The following CRYBG3 variants were observed in gnomAD, a reference collection of about 807,000 sequenced individuals.
CRYBG3 encodes the protein very large A-kinase anchor protein.
In CRYBG3, 127 loss-of-function variants were observed where a neutral mutation model predicts 244.2. That is an observed-to-expected ratio of 0.52 (90% CI 0.45 to 0.60). CRYBG3 has a LOEUF of 0.60. Among genes scored for constraint, CRYBG3 ranks in the 20% least tolerant of loss-of-function variants. The pLI is 0.00. For missense variants in CRYBG3, 3,325 were observed against 3,442.5 expected (o/e 0.97, Z 0.85); for synonymous variants, 1,132 against 1,195.8 (o/e 0.95, Z 1.10).
chr3:97,826,036 C>T (rs1402309011), intron 1 of CRYBG3, among the ~76,000 whole-genome samples: 1 of 152,178 alleles, frequency 6.6e-6, no homozygotes, highest in Admixed American at 6.5e-5. Context: ...GCAGTTCATG[C>T]CTTCAGTAGT....
chr3:97,940,976 C>T lies in CRYBG3; in HGVS notation c.8506-172C>T, dbSNP rs568329469. ...TGTACAATTTAAGCTTTATGCTCCACGGCCTAAGGATTTACCATATTAATC... is the reference window on the plus strand; with the variant it reads ...TGTACAATTTAAGCTTTATGCTCCATGGCCTAAGGATTTACCATATTAATC... On this transcript the variant is annotated intron_variant, in intron 19 of 21. Transcript: ENST00000389622. Among the ~76,000 whole-genome samples, 12 of 152,038 alleles carry T rather than the reference C, an allele frequency of 7.9e-5. No homozygotes were observed. In the East Asian group the frequency reaches 1.2e-3, roughly 15 times the overall value.
rs116258821 is a variant in CRYBG3, at chr3:97,829,354, C to T, written c.149+6999C>T. Among the ~76,000 whole-genome samples the T allele has an allele frequency of 2.1e-3, 324 of 152,298 alleles. 2 individuals are homozygous for T. Among genetic ancestry groups the T allele is most frequent in the African/African-American group, 7.2e-3 (300 of 41,556 alleles). ...AATGTGAAACTGGGTGGAGTTGACA[C>T]TTGCAGCCACAAATATATCAACATA... is the stretch of plus-strand genomic sequence containing the variant. On this transcript the variant is annotated intron_variant, in intron 1 of 21. Coordinates refer to ENST00000389622, the MANE Select transcript of CRYBG3 (RefSeq NM_153605.4).
chr3:97,921,489 T>C (rs952418268), intron 17 of CRYBG3, among the ~76,000 whole-genome samples: 3 of 152,114 alleles, frequency 2.0e-5, no homozygotes, highest in Non-Finnish European at 2.9e-5. Context: ...TAGGCAGTAG[T>C]TGTATAAAGT....
chr3:97,889,824 AT>A (rs2039554226), intron 10 of CRYBG3, among the ~76,000 whole-genome samples: 1 of 152,176 alleles, frequency 6.6e-6, no homozygotes, highest in Non-Finnish European at 1.5e-5. Context: ...GTTTGTAAGT[AT>A]GAGTATCCAA....
chr3:97,907,349 G>A lies in CRYBG3; in HGVS notation c.8005-4818G>A, dbSNP rs547532915. Among the ~76,000 whole-genome samples, 47 of 152,230 alleles carry A rather than the reference G, an allele frequency of 3.1e-4. No individual in the cohort carries two copies. The South Asian group carries it at 9.6e-3, about 31-fold the overall frequency. Reference sequence around the variant, plus strand: ...CCAGTTCCTCCTTGTACCTCTGGTAGAATTCGGCTGTGAATCCATCTGGTC... The same window carrying A: ...CCAGTTCCTCCTTGTACCTCTGGTAAAATTCGGCTGTGAATCCATCTGGTC... On this transcript the variant is annotated intron_variant, in intron 15 of 21. Transcript: ENST00000389622.
At chr3:97,904,700 A>AT (rs977226506) in intron 15 of CRYBG3, among the ~76,000 whole-genome samples, 6 of 143,744 alleles carry the variant, frequency 4.2e-5, no homozygotes, top group African/African-American at 7.7e-5. Flanking sequence ...TTTTATTTTT[A>AT]TTTTTTTTTA....
chr3:97,874,584 G>C lies in CRYBG3; in HGVS notation c.3390G>C (p.Gly1130=), dbSNP rs2039347822. The C allele has an allele frequency of 3.3e-6, 5 of 1,535,956 alleles. No homozygotes were observed. Among genetic ancestry groups the C allele is most frequent in the Non-Finnish European group, 4.4e-6 (5 of 1,146,864 alleles). The change falls in exon 4 of 22, where the codon GGG becomes GGC. Residue 1130 remains glycine (G), a synonymous_variant. Coordinates refer to ENST00000389622, the MANE Select transcript of CRYBG3 (RefSeq NM_153605.4). ...TEVTPFQEHF[G]IYTGKISIDF... is the part of the protein sequence containing the mutation. ...TAACCCCATTTCAGGAACATTTTGG[G>C]ATTTATACTGGGAAGATATCCATTG...
At position 97,872,454 on chromosome 3, in the gene CRYBG3, G is replaced by C. The variant is rs763681728; in HGVS notation, c.1260G>C (p.Leu420Phe). 6.5e-7 allele frequency: 1 copy of C among 1,535,952 alleles called. No homozygotes were observed. The highest frequency in any genetic ancestry group is 1.2e-5 in the South Asian group (1 of 84,044). ...GCACTGTGATGAGTAATAGGACATT[G>C]GTGCAAAGAGAGGAGCTTGTTGAGC... ...ENSTVMSNRT[L>F]VQREELVEPQ... is the part of the protein sequence containing the mutation. Residue 420 changes from leucine (L) to phenylalanine (F), a missense_variant, in exon 4 of 22, where the codon TTG becomes TTC. By Grantham distance (22) the Leu-to-Phe change is conservative (BLOSUM62 0). Coordinates refer to ENST00000389622, the MANE Select transcript of CRYBG3 (RefSeq NM_153605.4).
intron 17 of CRYBG3, 104 bp downstream of exon 17, chr3:97,915,840 A>G (rs2039923201): frequency 1.0e-6 from 1 of 966,024 alleles, no homozygotes; most frequent in Non-Finnish European, 1.5e-6. Context: ...AAGGAGAAAT[A>G]TAAAAATCTG....
chr3:97,914,832 G>C (rs916864616), intron 16 of CRYBG3, among the ~76,000 whole-genome samples: 22 of 152,172 alleles, frequency 1.4e-4, no homozygotes, highest in African/African-American at 4.3e-4. Context: ...TCTAGCAAGA[G>C]TGCAGTTCTG....
intron 19 of CRYBG3, among the ~76,000 whole-genome samples, chr3:97,938,559 C>A (rs2040189491): frequency 6.6e-6 from 1 of 151,982 alleles, no homozygotes; most frequent in Admixed American, 6.6e-5. Context: ...TGCACACACA[C>A]CATTCTCATC....
At chr3:97,915,106 T>G (rs1267320571) in intron 16 of CRYBG3, among the ~76,000 whole-genome samples, 1 of 152,234 alleles carries the variant, frequency 6.6e-6, no homozygotes, top group African/African-American at 2.4e-5. Flanking sequence ...TATACTCATC[T>G]AAACTGAATA....
Position 97,886,627 on chromosome 3 carries a change from TCAGGAC to T in CRYBG3, c.7153-3_7155del. 2 of 1,590,866 alleles carry T rather than the reference TCAGGAC, an allele frequency of 1.3e-6. No individual in the cohort carries two copies. Among genetic ancestry groups the T allele is most frequent in the Admixed American group, 3.8e-5 (2 of 53,302 alleles). On this transcript the variant is annotated splice_acceptor_variant and splice_polypyrimidine_tract_variant and coding_sequence_variant and intron_variant, in exon 8 of 22. Transcript: ENST00000389622. LOFTEE classifies it high-confidence loss of function. ...TTCAAAGCCAAATTATTTTTTTTTT[TCAGGAC>T]TGCAGCATTCCAGAAATAGAGCTTT...
intron 15 of CRYBG3, among the ~76,000 whole-genome samples, chr3:97,911,601 G>A (rs2039872812): frequency 6.6e-6 from 1 of 152,134 alleles, no homozygotes; most frequent in Non-Finnish European, 1.5e-5. Flanking sequence ...CACTAATCCC[G>A]TCATTATTAT....
chr3:97,922,337 TG>T (rs1267394470), intron 17 of CRYBG3, among the ~76,000 whole-genome samples: 1 of 151,972 alleles, frequency 6.6e-6, no homozygotes, highest in African/African-American at 2.4e-5. Context: ...AATTGACAAA[TG>T]GGATCTAATT....
rs990482142 is a variant in CRYBG3, at chr3:97,875,139, A to T, written c.3945A>T (p.Val1315=). The T allele has an allele frequency of 2.9e-5, 44 of 1,535,220 alleles. No individual in the cohort carries two copies. Among genetic ancestry groups the T allele is most frequent in the Non-Finnish European group, 3.7e-5 (42 of 1,146,364 alleles). The change falls in exon 4 of 22, where the codon GTA becomes GTT. Residue 1315 remains valine, a synonymous_variant. Transcript: ENST00000389622. ...ARELVNEIIY[V]AQEKLRNDTF... ...AATTAGTCAATGAGATTATTTATGT[A>T]GCCCAAGAAAAATTGAGAAATGATA...
rs541497479 is a variant in CRYBG3 at position 97,942,988 on chromosome 3, C to T, written c.8825-238C>T. 118 of 442,700 alleles carry T rather than the reference C, an allele frequency of 2.7e-4. 2 individuals are homozygous for T. The South Asian group carries it at 3.4e-3, about 13-fold the overall frequency. The allele number at this position is 442,700 out of a possible 1,614,324, so 27.4% of individuals were successfully genotyped here. ...TGTTCTAAAGAATCACATTAAGGCA[C>T]GCCACTTATACAATCATGTATTATA... On this transcript the variant is annotated intron_variant, in intron 21 of 21. Transcript: ENST00000389622.
rs779830857 is a variant in CRYBG3, at chr3:97,886,713, A to G, written c.7235A>G (p.Asn2412Ser). The stretch of plus-strand genomic sequence containing the variant: ...GTCTACATACAGAGAGCAGTCCCCA[A>G]TTTGGAAGAACTGAATATCTCCAAA... Reference protein sequence around the residue: ...CPVYIQRAVPNLEELNISKSV... With the variant: ...CPVYIQRAVPSLEELNISKSV... The change falls in exon 8 of 22, where the codon AAT (asparagine) becomes AGT (serine). Residue 2412 changes from asparagine (N) to serine (S), a missense_variant. Around this residue, in one of 4 missense-constraint regions of CRYBG3, gnomAD observed 714 missense variants for 803.6 expected, o/e 0.89. Transcript: ENST00000389622. 11 of 1,612,500 alleles carry G rather than the reference A, an allele frequency of 6.8e-6. No homozygotes were observed. The highest frequency in any genetic ancestry group is 2.2e-5 in the South Asian group (2 of 90,862).
intron 11 of CRYBG3, among the ~76,000 whole-genome samples, chr3:97,894,478 C>T (rs2039617483): frequency 6.6e-6 from 1 of 152,042 alleles, no homozygotes; most frequent in Non-Finnish European, 1.5e-5. Flanking sequence ...GTAGCATGGA[C>T]TCCATCCCTG....
Sources: allele counts gnomAD v4.1 joint callset (sites outside exome capture counted in the v4.1 genomes callset), GRCh38; gene constraint gnomAD v4.1.1; regional missense constraint gnomAD v4.1.1; transcripts MANE v1.5; gene names NCBI Gene and HGNC (gene_info 2026-07-23, HGNC 2026-07-21).